NUCB2: variants seen among roughly 807,000 people sequenced by gnomAD.
NUCB2 encodes the protein nucleobindin-2.
NUCB2 carries 48 observed loss-of-function variants against 57.9 expected under a neutral mutation model. The observed-to-expected ratio is 0.83, with a 90% CI of 0.66 to 1.05. The LOEUF is 1.05. Ranked by LOEUF, NUCB2 falls within the 50% of genes least tolerant of loss-of-function variation. NUCB2 has a pLI of 0.00. For synonymous variants in NUCB2, 139 were observed against 152.1 expected, an observed-to-expected ratio of 0.91 and a Z score of 0.64; for missense variants, 442 against 476.2, an observed-to-expected ratio of 0.93 and a Z score of 0.67.
At chr11:17,304,716 G>A (rs542181550) in intron 5 of NUCB2, among the ~76,000 whole-genome samples, 100 of 152,188 alleles carry the variant, frequency 6.6e-4, no homozygotes, top group African/African-American at 2.2e-3. Flanking sequence ...CCATATGTAC[G>A]TAACAGCCAG....
intron 2 of NUCB2, among the ~76,000 whole-genome samples, chr11:17,284,218 A>C (rs552441782): frequency 6.6e-6 from 1 of 152,018 alleles, no homozygotes; most frequent in Non-Finnish European, 1.5e-5. Context: ...GGGTCTCACC[A>C]TGTTGGCCAG....
intron 4 of NUCB2, 49 bp downstream of exon 4, chr11:17,296,260 T>G (rs753834054): frequency 8.3e-7 from 1 of 1,210,314 alleles, no homozygotes; most frequent in Non-Finnish European, 1.1e-6. Flanking sequence ...AATTTAAAAT[T>G]TTTTTAGAGA....
chr11:17,282,765 ATTTT>A lies in NUCB2; in HGVS notation c.-155-22_-155-19del, dbSNP rs1372302923. On this transcript the variant is annotated intron_variant, in intron 1 of 13. Transcript: ENST00000529010. ...GTGATTTTGTGTCTTTTATTTATTTATTTTTATTTTTTTTTACATTTAGAACGTG... is the reference window on the plus strand; with the variant it reads ...GTGATTTTGTGTCTTTTATTTATTTATATTTTTTTTTACATTTAGAACGTG... 6.6e-6 allele frequency: 1 copy of A among 151,878 alleles called. No individual in the cohort carries two copies. Among genetic ancestry groups the A allele is most frequent in the Non-Finnish European group, 1.5e-5 (1 of 67,990 alleles). 9.4% of individuals were successfully genotyped at this position (151,878 alleles called of 1,614,324 possible).
At chr11:17,346,282 A>C (rs1952729687) in intron 2 of NUCB2, among the ~76,000 whole-genome samples, 1 of 152,190 alleles carries the variant, frequency 6.6e-6, no homozygotes. Context: ...GCTTGTCTGC[A>C]TATTGGAATC....
chr11:17,289,962 C>T (rs1462028951), intron 2 of NUCB2, among the ~76,000 whole-genome samples: 1 of 152,178 alleles, frequency 6.6e-6, no homozygotes, highest in Non-Finnish European at 1.5e-5. Context: ...TCAATTCAGC[C>T]TCATGTTCCT....
chr11:17,343,540 A>G (rs1482861745), intron 2 of NUCB2, among the ~76,000 whole-genome samples: 2 of 151,578 alleles, frequency 1.3e-5, no homozygotes, highest in Non-Finnish European at 2.9e-5. Flanking sequence ...TGTTTGGCCT[A>G]TTTTGCTTCC....
At position 17,301,777 on chromosome 11, in the gene NUCB2, A is replaced by G. The variant is rs1185022460; in HGVS notation, c.286A>G (p.Ser96Gly). The G allele has an allele frequency of 6.2e-7, 1 of 1,609,724 alleles. No individual in the cohort carries two copies. The highest frequency in any genetic ancestry group is 8.5e-7 in the Non-Finnish European group (1 of 1,176,110). ...GRLSKELDLV[S>G]HHVRTKLDEL... ...GCTAAGCAAAGAACTGGATTTAGTA[A>G]GTCACCATGTGAGGACAAAACTTGA... The change falls in exon 5 of 14, where the codon AGT (serine) becomes GGT (glycine). Residue 96 changes from serine to glycine, a missense_variant. Physicochemically the swap from Ser to Gly is moderately conservative, Grantham distance 56. Coordinates refer to ENST00000529010, the MANE Select transcript of NUCB2 (RefSeq NM_005013.4).
intron 11 of NUCB2, among the ~76,000 whole-genome samples, chr11:17,319,021 A>AT (rs1386298030): frequency 6.6e-6 from 1 of 152,118 alleles, no homozygotes; most frequent in Admixed American, 6.5e-5. Context: ...GAAAAAAAAA[A>AT]TTTTTTTAAA....
At chr11:17,336,345 G>T (rs1951798606), downstream of NUCB2, among the ~76,000 whole-genome samples, 1 of 152,112 alleles carries the variant, frequency 6.6e-6, no homozygotes, top group Non-Finnish European at 1.5e-5. Flanking sequence ...CACTCAAAAA[G>T]TTTTGGATTT....
chr11:17,294,678 TAA>T lies in NUCB2; in HGVS notation c.1-624_1-623del, dbSNP rs34406631. ...GTTCTGTGGGTAAAACGTGTTGCCT[TAA>T]AAAAAAAAAAAAAAAAAAAAAGCCA... On this transcript the variant is annotated intron_variant, in intron 2 of 13. Transcript: ENST00000529010. 3.0e-3 allele frequency among the ~76,000 whole-genome samples: 309 copies of T among 102,630 alleles called. 3 individuals carry two copies. Among genetic ancestry groups the T allele is most frequent in the Admixed American group, 8.6e-3 (78 of 9,104 alleles). 67.3% of individuals were successfully genotyped at this position (102,630 alleles called of 152,430 possible).
chr11:17,288,552 C>CTTTCTTTTT (rs1944214104), intron 2 of NUCB2, among the ~76,000 whole-genome samples: 2 of 101,190 alleles, frequency 2.0e-5, no homozygotes, highest in Non-Finnish European at 3.6e-5. Context: ...TCTTCTTCTT[C>CTTTCTTTTT]TTTTTTTTTT....
At chr11:17,327,353 G>T (rs575541005) in intron 11 of NUCB2, among the ~76,000 whole-genome samples, 2 of 152,132 alleles carry the variant, frequency 1.3e-5, no homozygotes, top group African/African-American at 4.8e-5. Flanking sequence ...GAGCCACTAC[G>T]CCTCGCCAGG....
chr11:17,306,988 T>C (rs1947766080), intron 5 of NUCB2, among the ~76,000 whole-genome samples: 1 of 152,094 alleles, frequency 6.6e-6, no homozygotes, highest in South Asian at 2.1e-4. Flanking sequence ...ATTGGTTCAG[T>C]ATGAATTGAA....
chr11:17,277,228 A>G (rs765834509), intron 1 of NUCB2: 1 of 152,264 alleles, frequency 6.6e-6, no homozygotes, highest in Admixed American at 6.5e-5. Context: ...CAGCAAAGCT[A>G]GGCCCGGGGA....
At chr11:17,309,966 A>G (rs576164539) in intron 6 of NUCB2, among the ~76,000 whole-genome samples, 2 of 152,354 alleles carry the variant, frequency 1.3e-5, no homozygotes, top group South Asian at 4.1e-4. Flanking sequence ...GTGAATATTT[A>G]TAGATTTTGC....
At chr11:17,349,908 C>T (rs1180123069) in exon 3 of NUCB2, 2 of 152,158 alleles carry the variant, frequency 1.3e-5, no homozygotes, top group Middle Eastern at 3.2e-3. Context: ...CAGTGTCAAC[C>T]AGCATTTGAA....
chr11:17,318,584 G>C (rs1949606030), intron 11 of NUCB2, among the ~76,000 whole-genome samples: 1 of 152,054 alleles, frequency 6.6e-6, no homozygotes, highest in Non-Finnish European at 1.5e-5. Flanking sequence ...TATTTTTAAG[G>C]CTATTTTTAA....
intron 1 of NUCB2, among the ~76,000 whole-genome samples, chr11:17,282,259 T>TATATATATA (rs1555062027): frequency 1.2e-4 from 9 of 73,022 alleles, no homozygotes; most frequent in Non-Finnish European, 2.2e-4. Context: ...TATATATATA[T>TATATATATA]TTTTTTTTTT....
intron 11 of NUCB2, among the ~76,000 whole-genome samples, chr11:17,323,780 C>T (rs971178766): frequency 1.3e-5 from 2 of 151,990 alleles, no homozygotes; most frequent in African/African-American, 4.8e-5. Context: ...TTTTGGATTT[C>T]TTCCGAATTC....
Sources: allele counts gnomAD v4.1 joint callset (sites outside exome capture counted in the v4.1 genomes callset), GRCh38; gene constraint gnomAD v4.1.1; transcripts MANE v1.5; gene names NCBI Gene and HGNC (gene_info 2026-07-23, HGNC 2026-07-21).